Variants in RASSF4 observed in about 807,000 individuals in gnomAD.
RASSF4 encodes ras association domain-containing protein 4.
A neutral mutation model predicts 41.1 loss-of-function variants in RASSF4; 38 were observed. That is an observed-to-expected ratio of 0.92 (90% CI 0.71 to 1.21). RASSF4 has a LOEUF of 1.21. Among genes scored for constraint, RASSF4 ranks in the 50% most tolerant of loss-of-function variants. The pLI is 0.00. For synonymous variants in RASSF4, 179 were observed against 163.4 expected, an observed-to-expected ratio of 1.10 and a Z score of -0.73; for missense variants, 414 against 419.4, an observed-to-expected ratio of 0.99 and a Z score of 0.11.
intron 8 of RASSF4, 104 bp downstream of exon 8, chr10:44,989,825 TC>T: frequency 9.6e-7 from 1 of 1,046,712 alleles, no homozygotes; most frequent in Admixed American, 1.8e-5. Flanking sequence ...CCAGATGGGC[TC>T]CGTGCTGGCT....
rs1257723612 is a variant in RASSF4 at position 44,993,712 on chromosome 10, A to T, written c.*383A>T. 1 of 193,804 alleles carries T rather than the reference A, an allele frequency of 5.2e-6. No homozygotes were observed. Among genetic ancestry groups the T allele is most frequent in the Admixed American group, 5.5e-5 (1 of 18,252 alleles). The allele number at this position is 193,804 out of a possible 1,614,324, so 12.0% of individuals were successfully genotyped here. On this transcript the variant is annotated 3_prime_UTR_variant, in exon 11 of 11. Coordinates refer to ENST00000340258, the MANE Select transcript of RASSF4 (RefSeq NM_032023.4). ...CCACAAGCCCCTGTCCTCTTCCTTC[A>T]TATGAGATTCTTGTCTGCCCTCATA...
intron 3 of RASSF4, 148 bp downstream of exon 3, chr10:44,971,996 C>G (rs1841191828): frequency 8.1e-6 from 5 of 616,586 alleles, no homozygotes; most frequent in Non-Finnish European, 1.4e-5. Flanking sequence ...TCACTCTCAT[C>G]ACTCACCTCT....
intron 9 of RASSF4, chr10:44,991,412 C>A (rs531658882): frequency 8.9e-6 from 2 of 224,740 alleles, no homozygotes; most frequent in South Asian, 2.9e-4. Context: ...CCCTACCTCG[C>A]ACCTGTGGAA....
chr10:44,984,836 G>GC lies in RASSF4; in HGVS notation c.403dup (p.Gln135ProfsTer24). 2 of 1,613,604 alleles carry GC rather than the reference G, an allele frequency of 1.2e-6. No individual in the cohort carries two copies. The highest frequency in any genetic ancestry group is 1.6e-4 in the Middle Eastern group (1 of 6,062). Reference sequence around the variant, plus strand: ...AGGGCCCCTGGAGGAGGCAGAGGAGGCCCCCCAGCTGATGCGGACCAAGAG... The same window carrying GC: ...AGGGCCCCTGGAGGAGGCAGAGGAGGCCCCCCCAGCTGATGCGGACCAAGAG... On this transcript the variant is annotated frameshift_variant, in exon 6 of 11. Transcript: ENST00000340258. LOFTEE classifies it high-confidence loss of function.
chr10:44,985,116 C>T (rs1588839900), intron 6 of RASSF4, 146 bp downstream of exon 6: 5 of 775,130 alleles, frequency 6.5e-6, no homozygotes, highest in South Asian at 1.7e-5. Context: ...ATAACAGCCC[C>T]GTTTATGACC....
In RASSF4 at chr10:44,993,427, C is replaced by T. The variant is rs1291997810; in HGVS notation, c.*98C>T. 1.9e-5 allele frequency: 17 copies of T among 896,720 alleles called. No individual in the cohort carries two copies. Among genetic ancestry groups the T allele is most frequent in the Admixed American group, 4.2e-5 (2 of 48,106 alleles). The allele number at this position is 896,720 out of a possible 1,614,324, so 55.5% of individuals were successfully genotyped here. The stretch of plus-strand genomic sequence containing the variant: ...GCCGGTCACATTGACTGATGGCCAC[C>T]GCCTGACGAATCGAGTGCCTGTGTG... On this transcript the variant is annotated 3_prime_UTR_variant, in exon 11 of 11. Transcript: ENST00000340258.
At chr10:44,972,110 T>C in intron 3 of RASSF4, among the ~76,000 whole-genome samples, 1 of 151,358 alleles carries the variant, frequency 6.6e-6, no homozygotes, top group East Asian at 1.9e-4. Context: ...ACCTTGGGGG[T>C]CTTCCCCCTT....
chr10:44,961,985 C>T (rs1840727770), intron 1 of RASSF4, among the ~76,000 whole-genome samples: 1 of 152,164 alleles, frequency 6.6e-6, no homozygotes, highest in African/African-American at 2.4e-5. Flanking sequence ...GGCTGTCCCA[C>T]CTTCTGCCCT....
intron 3 of RASSF4, chr10:44,976,957 C>T: frequency 6.4e-6 from 1 of 156,708 alleles, no homozygotes; most frequent in East Asian, 1.9e-4. Flanking sequence ...AGGCCTTGTT[C>T]TGAAACACCT....
chr10:44,971,568 C>T (rs1306206423), intron 2 of RASSF4: 1 of 682,382 alleles, frequency 1.5e-6, no homozygotes, highest in Non-Finnish European at 2.7e-6. Context: ...TCAGCCCGAC[C>T]CCCATGCCCC....
chr10:44,984,476 T>C, intron 5 of RASSF4: 1 of 486,718 alleles, frequency 2.1e-6, no homozygotes. Context: ...CTCATCCTTT[T>C]TATTCCCCTT....
rs1227158676 is a variant in RASSF4 at position 44,995,316 on chromosome 10, A to T, written c.*1987A>T. ...GGTCAAGAGATCAGCTGAGCAACGA[A>T]CCGGCAAAGCTCCTGGGAGTGAGGT... On this transcript the variant is annotated 3_prime_UTR_variant, in exon 11 of 11. Coordinates refer to ENST00000340258, the MANE Select transcript of RASSF4 (RefSeq NM_032023.4). The T allele has an allele frequency of 6.6e-6, 1 of 152,274 alleles. No individual in the cohort carries two copies. The highest frequency in any genetic ancestry group is 1.9e-4 in the East Asian group (1 of 5,182). The allele number at this position is 152,274 out of a possible 1,614,324, so 9.4% of individuals were successfully genotyped here. A position where few individuals can be genotyped will look rare whatever the true frequency, so the allele number is the denominator to read the frequency against.
intron 10 of RASSF4, among the ~76,000 whole-genome samples, chr10:44,992,579 A>T (rs561823332): frequency 6.6e-6 from 1 of 152,168 alleles, no homozygotes; most frequent in Admixed American, 6.5e-5. Flanking sequence ...TGTAGTCCCA[A>T]TGACGTCTCC....
intron 4 of RASSF4, 102 bp from the exon 5 acceptor site, chr10:44,983,920 C>T: frequency 6.5e-7 from 1 of 1,543,272 alleles, no homozygotes; most frequent in Non-Finnish European, 8.7e-7. Context: ...TGCCTTGCTT[C>T]CCGCCTGTGT....
rs1275591806 is a variant in RASSF4, at chr10:44,994,814, C to T, written c.*1485C>T. 6.6e-6 allele frequency: 1 copy of T among 151,096 alleles called. No homozygotes were observed. The highest frequency in any genetic ancestry group is 2.0e-4 in the East Asian group (1 of 5,126). The allele number at this position is 151,096 out of a possible 1,614,324, so 9.4% of individuals were successfully genotyped here. A position where few individuals can be genotyped will look rare whatever the true frequency, so the allele number is the denominator to read the frequency against. ...AACTCTTATCCTAAAGGATGTGTGG[C>T]CATGTTTGGCAGAAGAGCCACAACT... On this transcript the variant is annotated 3_prime_UTR_variant, in exon 11 of 11. Coordinates refer to ENST00000340258, the MANE Select transcript of RASSF4 (RefSeq NM_032023.4).
chr10:44,979,328 C>T lies in RASSF4; in HGVS notation c.139-3193C>T, dbSNP rs1588827715. Among the ~76,000 whole-genome samples the T allele has an allele frequency of 2.0e-5, 3 of 152,274 alleles. No individual in the cohort carries two copies. The South Asian group carries it at 6.2e-4, about 32-fold the overall frequency. On this transcript the variant is annotated intron_variant, in intron 3 of 10. Coordinates refer to ENST00000340258, the MANE Select transcript of RASSF4 (RefSeq NM_032023.4). ...TCTTACACCCCAGATGGGGTGCTTTCGGAGGATTTGTTTGTTTACTTGTTC... is the reference window on the plus strand; with the variant it reads ...TCTTACACCCCAGATGGGGTGCTTTTGGAGGATTTGTTTGTTTACTTGTTC...
At chr10:44,977,294 C>A in intron 3 of RASSF4, 1 of 1,455,646 alleles carries the variant, frequency 6.9e-7, no homozygotes, top group South Asian at 1.4e-5. Flanking sequence ...AAAGCATTTC[C>A]CTTTCAGAGA....
At chr10:44,992,462 C>A (rs1239787184) in intron 10 of RASSF4, among the ~76,000 whole-genome samples, 1 of 152,160 alleles carries the variant, frequency 6.6e-6, no homozygotes, top group Non-Finnish European at 1.5e-5. Flanking sequence ...CAGCCTCAGC[C>A]GATGTTTTCA....
intron 6 of RASSF4, among the ~76,000 whole-genome samples, chr10:44,986,527 G>T (rs553909884): frequency 6.6e-6 from 1 of 152,352 alleles, no homozygotes; most frequent in South Asian, 2.1e-4. Context: ...ATTTGCCCTT[G>T]CAATGTGAAT....
Sources: allele counts gnomAD v4.1 joint callset (sites outside exome capture counted in the v4.1 genomes callset), GRCh38; gene constraint gnomAD v4.1.1; transcripts MANE v1.5; gene names NCBI Gene and HGNC (gene_info 2026-07-23, HGNC 2026-07-21).